KAT6B: variants seen among roughly 807,000 people sequenced by gnomAD.
KAT6B encodes the protein histone acetyltransferase KAT6B.
A neutral mutation model predicts 187.5 loss-of-function variants in KAT6B; 10 were observed. The observed-to-expected ratio is 0.05, with a 90% CI of 0.03 to 0.09. The LOEUF is 0.09. Ranked by LOEUF, KAT6B falls within the 10% of genes least tolerant of loss-of-function variation. KAT6B has a pLI of 1.00. For missense variants in KAT6B, 1,952 were observed against 2,558.9 expected (o/e 0.76, Z 5.12); for synonymous variants, 861 against 926.8 (o/e 0.93, Z 1.29).
chr10:75,025,556 G>T, intron 17 of KAT6B: 8 of 310,736 alleles, frequency 2.6e-5, no homozygotes, highest in East Asian at 6.1e-5. Context: ...ACATTTCTTT[G>T]ATTCTAATAT....
At chr10:74,977,506 C>T (rs1451982133) in intron 9 of KAT6B, 69 bp downstream of exon 9, 6 of 1,562,708 alleles carry the variant, frequency 3.8e-6, no homozygotes, top group Non-Finnish European at 5.3e-6. Flanking sequence ...TATGGAATTA[C>T]TGTGTTGATT....
chr10:74,965,122 T>C (rs1841370811), intron 4 of KAT6B, among the ~76,000 whole-genome samples: 1 of 152,248 alleles, frequency 6.6e-6, no homozygotes, highest in Non-Finnish European at 1.5e-5. Context: ...AACTTCTGGA[T>C]TGGGCTCTGG....
At chr10:74,840,577 A>G (rs908829458) in intron 2 of KAT6B, among the ~76,000 whole-genome samples, 1 of 152,218 alleles carries the variant, frequency 6.6e-6, no homozygotes, top group Non-Finnish European at 1.5e-5. Context: ...AAAAAGTGAC[A>G]AATTATCAAT....
Position 75,031,999 on chromosome 10 carries a change from G to A in KAT6B, c.*953G>A, listed in dbSNP as rs1019083898. On this transcript the variant is annotated 3_prime_UTR_variant, in exon 18 of 18. Coordinates refer to ENST00000287239, the MANE Select transcript of KAT6B (RefSeq NM_012330.4). ...TAAAATATTGGAGTTATTTTTTAAGGAAAAATAGAAAAGTAGCTTGTGAAT... is the reference window on the plus strand; with the variant it reads ...TAAAATATTGGAGTTATTTTTTAAGAAAAAATAGAAAAGTAGCTTGTGAAT... 2 of 192,512 alleles carry A rather than the reference G, an allele frequency of 1.0e-5. No individual in the cohort carries two copies. The highest frequency in any genetic ancestry group is 4.7e-5 in the African/African-American group (2 of 42,972). The allele number at this position is 192,512 out of a possible 1,614,324, so 11.9% of individuals were successfully genotyped here.
chr10:75,011,196 A>G (rs555218193), intron 13 of KAT6B, among the ~76,000 whole-genome samples: 1 of 152,268 alleles, frequency 6.6e-6, no homozygotes, highest in Admixed American at 6.5e-5. Context: ...TCTTTTTTTA[A>G]TGAATCTCTA....
intron 13 of KAT6B, among the ~76,000 whole-genome samples, chr10:75,016,354 A>G (rs1230687065): frequency 6.6e-6 from 1 of 152,266 alleles, no homozygotes; most frequent in African/African-American, 2.4e-5. Flanking sequence ...TACTTTTTAT[A>G]GACAGAAATC....
At position 75,031,177 on chromosome 10, in the gene KAT6B, TAAAAA is replaced by T; in HGVS notation, c.*140_*144del. The T allele has an allele frequency of 2.0e-5, 18 of 885,850 alleles. 1 individual carries two copies. In the South Asian group the frequency reaches 2.9e-4, roughly 14 times the overall value. 54.9% of individuals were successfully genotyped at this position (885,850 alleles called of 1,614,324 possible). A position where few individuals can be genotyped will look rare whatever the true frequency, so the allele number is the denominator to read the frequency against. On this transcript the variant is annotated 3_prime_UTR_variant, in exon 18 of 18. Transcript: ENST00000287239. The stretch of plus-strand genomic sequence containing the variant: ...AAAACATTTGTTGGCACCATTTATT[TAAAAA>T]AAAAAAAAGCTGTATGCAGCAGAAA...
At chr10:74,857,100 GA>G (rs1189315992) in intron 3 of KAT6B, among the ~76,000 whole-genome samples, 6 of 152,266 alleles carry the variant, frequency 3.9e-5, no homozygotes, top group African/African-American at 1.4e-4. Flanking sequence ...TCTGTGCAAT[GA>G]TACTTTGAAA....
At chr10:74,859,107 G>A (rs984455989) in intron 3 of KAT6B, among the ~76,000 whole-genome samples, 1 of 151,804 alleles carries the variant, frequency 6.6e-6, no homozygotes, top group Admixed American at 6.6e-5. Flanking sequence ...TTTAGACAAC[G>A]TCTTGCTCTG....
At position 75,030,075 on chromosome 10, in the gene KAT6B, C is replaced by G. The variant is rs772074863; in HGVS notation, c.5251C>G (p.Pro1751Ala). Reference sequence around the variant, plus strand: ...CCCTCCGACCTGCAGCGTCAAGTCTCCTCAAGGCTGTGTGGTGGAGAGGCC... The same window carrying G: ...CCCTCCGACCTGCAGCGTCAAGTCTGCTCAAGGCTGTGTGGTGGAGAGGCC... Reference protein sequence around the residue: ...SSPPTCSVKSPQGCVVERPPS... With the variant: ...SSPPTCSVKSAQGCVVERPPS... The change falls in exon 18 of 18, where the codon CCT becomes GCT. Residue 1751 changes from proline to alanine, a missense_variant. This residue lies in a region of KAT6B where 358 missense variants were observed against 436.3 expected (regional missense o/e 0.82). Transcript: ENST00000287239. This position sits in a 1 kb window ranked among gnomAD's most constrained non-coding sequence, Gnocchi z 4.8. 1 of 1,614,112 alleles carries G rather than the reference C, an allele frequency of 6.2e-7. No individual in the cohort carries two copies. The highest frequency in any genetic ancestry group is 1.3e-5 in the African/African-American group (1 of 74,944).
chr10:75,015,229 T>G (rs1179938455), intron 13 of KAT6B, among the ~76,000 whole-genome samples: 1 of 152,134 alleles, frequency 6.6e-6, no homozygotes, highest in Non-Finnish European at 1.5e-5. Flanking sequence ...GGGAGAGAGG[T>G]CTTAAACTTG....
In KAT6B at chr10:74,975,569, C is replaced by T; in HGVS notation, c.1232C>T (p.Thr411Ile). Residue 411 changes from threonine to isoleucine, a missense_variant, in exon 8 of 18, where the codon ACC (threonine) becomes ATC (isoleucine). Coordinates refer to ENST00000287239, the MANE Select transcript of KAT6B (RefSeq NM_012330.4). ...VTDPTRPGAT[T>I]KITTTSTYIS... Reference sequence around the variant, plus strand: ...GACCCCACTCGGCCTGGTGCCACCACCAAAATCACCACCACCTCCACCTAC... The same window carrying T: ...GACCCCACTCGGCCTGGTGCCACCATCAAAATCACCACCACCTCCACCTAC... 2 of 1,614,080 alleles carry T rather than the reference C, an allele frequency of 1.2e-6. No individual in the cohort carries two copies. The highest frequency in any genetic ancestry group is 8.5e-7 in the Non-Finnish European group (1 of 1,180,018).
Position 74,981,302 on chromosome 10 carries a change from TCTTTCTTCCTTCCTTC to T in KAT6B, c.2232-481_2232-466del, listed in dbSNP as rs993939670. ...TTACTATTGGCTGGCTTTCTTTCTTTCTTTCTTCCTTCCTTCCTTCCTTCCTTCCTTCCTTCCTTTC... is the reference window on the plus strand; with the variant it reads ...TTACTATTGGCTGGCTTTCTTTCTTTCTTCCTTCCTTCCTTCCTTCCTTTC... On this transcript the variant is annotated intron_variant, in intron 10 of 17. Transcript: ENST00000287239. Among the ~76,000 whole-genome samples the T allele has an allele frequency of 1.7e-4, 21 of 126,670 alleles. 1 individual carries two copies. The highest frequency in any genetic ancestry group is 7.7e-5 in the Admixed American group (1 of 13,000). 83.1% of individuals were successfully genotyped at this position (126,670 alleles called of 152,430 possible). A position where few individuals can be genotyped will look rare whatever the true frequency, so the allele number is the denominator to read the frequency against.
chr10:74,874,225 A>T (rs2132441019), intron 3 of KAT6B, among the ~76,000 whole-genome samples: 1 of 152,342 alleles, frequency 6.6e-6, no homozygotes, highest in Middle Eastern at 3.4e-3. Context: ...TTATGTTATC[A>T]CAGAGGTCCT....
chr10:74,992,188 T>C (rs992890280), intron 13 of KAT6B, among the ~76,000 whole-genome samples: 1 of 152,168 alleles, frequency 6.6e-6, no homozygotes, highest in Non-Finnish European at 1.5e-5. Context: ...CAGGTAGATC[T>C]TTATAATTGC....
chr10:74,828,343 C>A (rs1415774506), intron 1 of KAT6B, among the ~76,000 whole-genome samples: 2 of 151,988 alleles, frequency 1.3e-5, no homozygotes, highest in Non-Finnish European at 2.9e-5. Context: ...CAAGGAAATT[C>A]AGGGTAGAGC....
Position 74,953,192 on chromosome 10 carries a change from TA to T in KAT6B, c.622-6771del, listed in dbSNP as rs1376519879. Reference sequence around the variant, plus strand: ...TGTACTCCCTGATTAATTCATTCTTTAAAAAAATCCTCTAAGATTAATATTC... The same window carrying T: ...TGTACTCCCTGATTAATTCATTCTTTAAAAAATCCTCTAAGATTAATATTC... On this transcript the variant is annotated intron_variant, in intron 3 of 17. Transcript: ENST00000287239. Among the ~76,000 whole-genome samples the T allele has an allele frequency of 2.0e-5, 3 of 152,206 alleles. No homozygotes were observed. The South Asian group carries it at 6.2e-4, about 32-fold the overall frequency.
At chr10:74,968,882 G>A (rs1021803670) in intron 4 of KAT6B, among the ~76,000 whole-genome samples, 2 of 152,110 alleles carry the variant, frequency 1.3e-5, no homozygotes, top group African/African-American at 4.8e-5. Flanking sequence ...GCCCCTCAGG[G>A]TCTCCAGTTT....
rs1339879761 is a variant in KAT6B at position 75,031,764 on chromosome 10, AAG to A, written c.*719_*720del. The stretch of plus-strand genomic sequence containing the variant: ...TGGTGACAGATTTCTTTGGGGAAAA[AAG>A]GCAGCTTTCTGTTTTATAAATGCAG... On this transcript the variant is annotated 3_prime_UTR_variant, in exon 18 of 18. Coordinates refer to ENST00000287239, the MANE Select transcript of KAT6B (RefSeq NM_012330.4). 10 of 209,610 alleles carry A rather than the reference AAG, an allele frequency of 4.8e-5. No individual in the cohort carries two copies. The highest frequency in any genetic ancestry group is 8.7e-5 in the Non-Finnish European group (9 of 102,984). The allele number at this position is 209,610 out of a possible 1,614,324, so 13.0% of individuals were successfully genotyped here. A position where few individuals can be genotyped will look rare whatever the true frequency, so the allele number is the denominator to read the frequency against.
Sources: gnomAD v4.1 joint callset for allele counts (sites outside exome capture counted in the v4.1 genomes callset) on GRCh38, gnomAD v4.1.1 for gene constraint, gnomAD v4.1.1 regional missense constraint, Gnocchi (gnomAD v3.1) non-coding constraint, MANE v1.5 for transcripts, NCBI Gene and HGNC (gene_info 2026-07-23, HGNC 2026-07-21) for gene names.